DTNBP1: variants seen among roughly 807,000 people sequenced by gnomAD.
The protein encoded by DTNBP1 is dysbindin.
In DTNBP1, 35 loss-of-function variants were observed where a neutral mutation model predicts 42.8. The ratio of observed to expected loss-of-function variants is 0.82; its 90% CI spans 0.63 to 1.09. The LOEUF (loss-of-function observed/expected upper bound fraction) is 1.09, where lower values mean the gene tolerates loss of function less well. DTNBP1 is among the 50% of genes least tolerant of loss of function. The probability of loss-of-function intolerance (pLI) is 0.00; values close to 1 mark genes in which losing one functional copy is unlikely to be tolerated. For synonymous variants in DTNBP1, 171 were observed against 162.2 expected, an observed-to-expected ratio of 1.05 and a Z score of -0.41; for missense variants, 457 against 424.2, an observed-to-expected ratio of 1.08 and a Z score of -0.68.
chr6:15,590,748 A>T (rs1158376755), intron 7 of DTNBP1, among the ~76,000 whole-genome samples: 2 of 152,204 alleles, frequency 1.3e-5, no homozygotes, highest in African/African-American at 2.4e-5. Flanking sequence ...TCTTGTAGAG[A>T]TTGGCCATAT....
chr6:15,553,355 A>C (rs1453738089), intron 7 of DTNBP1, among the ~76,000 whole-genome samples: 1 of 151,714 alleles, frequency 6.6e-6, no homozygotes, highest in Non-Finnish European at 1.5e-5. Flanking sequence ...ACATTTGAAA[A>C]CATAAGCTTC....
At chr6:15,645,296 A>T (rs865887292) in intron 3 of DTNBP1, among the ~76,000 whole-genome samples, 8 of 151,790 alleles carry the variant, frequency 5.3e-5, no homozygotes, top group Middle Eastern at 3.4e-3. Flanking sequence ...ATAATAATAA[A>T]AAAAATCTAC....
At chr6:15,550,468 G>T (rs1368013135) in intron 7 of DTNBP1, among the ~76,000 whole-genome samples, 1 of 152,100 alleles carries the variant, frequency 6.6e-6, no homozygotes, top group Non-Finnish European at 1.5e-5. Flanking sequence ...TTTATCCAAA[G>T]CTCAACATGC....
chr6:15,644,650 T>G (rs1250597006), intron 3 of DTNBP1, among the ~76,000 whole-genome samples: 1 of 151,944 alleles, frequency 6.6e-6, no homozygotes, highest in East Asian at 1.9e-4. Flanking sequence ...CACAAGTATA[T>G]GGAAACTAAA....
At chr6:15,592,254 T>A (rs1776329247) in intron 7 of DTNBP1, among the ~76,000 whole-genome samples, 1 of 152,232 alleles carries the variant, frequency 6.6e-6, no homozygotes, top group South Asian at 2.1e-4. Context: ...ACGTGAAGTA[T>A]AATAAGCATA....
intron 6 of DTNBP1, among the ~76,000 whole-genome samples, chr6:15,609,061 A>G (rs752882196): frequency 3.9e-5 from 6 of 151,946 alleles, no homozygotes; most frequent in Non-Finnish European, 5.9e-5. Context: ...CAAACATGGG[A>G]CTTATGAATT....
intron 4 of DTNBP1, among the ~76,000 whole-genome samples, chr6:15,627,871 T>C (rs3213207): frequency 0.087 from 13,201 of 151,986 alleles, 743 homozygotes; most frequent in Non-Finnish European, 0.12. Context: ...CGGGTAATTA[T>C]TGGCTTTACG....
In DTNBP1 at chr6:15,627,421, TTG is replaced by T. The variant is rs1466746423; in HGVS notation, c.275_276del (p.Thr92LysfsTer34). ...AGCTGCTCTTGCAGCTCCACGAGGC[TTG>T]TCTTTTTCTTCTCCCAGTGCGCAGA... ...MLSAHWEKKK[T>X]SLVELQEQLQ... On this transcript the variant is annotated frameshift_variant, in exon 5 of 10. Coordinates refer to ENST00000344537, the MANE Select transcript of DTNBP1 (RefSeq NM_032122.5). LOFTEE classifies it high-confidence loss of function. 6.2e-7 allele frequency: 1 copy of T among 1,614,046 alleles called. No individual in the cohort carries two copies. Among genetic ancestry groups the T allele is most frequent in the East Asian group, 2.2e-5 (1 of 44,868 alleles).
chr6:15,611,924 AAGAAAGGACAT>A (rs1207806116), intron 6 of DTNBP1, among the ~76,000 whole-genome samples: 8 of 152,350 alleles, frequency 5.3e-5, no homozygotes, highest in African/African-American at 1.9e-4. Flanking sequence ...TTGAAATGAC[AAGAAAGGACAT>A]AGAATGTTAT....
At chr6:15,531,627 T>C (rs1772832147) in intron 8 of DTNBP1, among the ~76,000 whole-genome samples, 2 of 152,220 alleles carry the variant, frequency 1.3e-5, no homozygotes, top group South Asian at 4.1e-4. Flanking sequence ...TTCTTGGATT[T>C]CTTTTTATTT....
intron 7 of DTNBP1, among the ~76,000 whole-genome samples, chr6:15,549,150 G>A (rs962642261): frequency 1.3e-5 from 2 of 152,070 alleles, no homozygotes; most frequent in Admixed American, 1.3e-4. Context: ...TCTCTAATTT[G>A]AGCATTACAA....
chr6:15,522,924 A>C lies in DTNBP1; in HGVS notation c.*51T>G. ...CCTGGCTTTCCAGGTGGAATTCCGC[A>C]TACAGCCAAAACTGGATTCCAGTGT... is the stretch of plus-strand genomic sequence containing the variant. On this transcript the variant is annotated 3_prime_UTR_variant, in exon 10 of 10. Transcript: ENST00000344537. The C allele has an allele frequency of 6.2e-7, 1 of 1,614,158 alleles. No homozygotes were observed. The highest frequency in any genetic ancestry group is 8.5e-7 in the Non-Finnish European group (1 of 1,180,028).
chr6:15,638,838 CTTTT>C (rs34034677), intron 3 of DTNBP1, among the ~76,000 whole-genome samples: 16 of 138,624 alleles, frequency 1.2e-4, no homozygotes, highest in Non-Finnish European at 1.4e-4. Flanking sequence ...TTGGCCAGTA[CTTTT>C]TTTTTTTTTT....
At chr6:15,661,762 CAG>C (rs1315227297) in intron 1 of DTNBP1, among the ~76,000 whole-genome samples, 1 of 152,164 alleles carries the variant, frequency 6.6e-6, no homozygotes, top group Non-Finnish European at 1.5e-5. Flanking sequence ...TTTTCAAAGA[CAG>C]ATCTTTTTCA....
intron 8 of DTNBP1, among the ~76,000 whole-genome samples, chr6:15,529,588 A>C (rs1772667734): frequency 6.6e-6 from 1 of 152,230 alleles, no homozygotes; most frequent in East Asian, 1.9e-4. Context: ...ATCCCTCTGG[A>C]AGCAGGGACA....
intron 4 of DTNBP1, among the ~76,000 whole-genome samples, chr6:15,636,298 G>A (rs1760019838): frequency 6.6e-6 from 1 of 151,844 alleles, no homozygotes; most frequent in Admixed American, 6.6e-5. Context: ...TTACAGGCAT[G>A]AGCCACCACG....
intron 2 of DTNBP1, 78 bp from the exon 3 acceptor site, chr6:15,651,441 T>C (rs1760990735): frequency 6.4e-7 from 1 of 1,554,456 alleles, no homozygotes; most frequent in African/African-American, 1.4e-5. Context: ...TACAAGAATT[T>C]TGACATTGTC....
chr6:15,528,832 A>G (rs1399187676), intron 8 of DTNBP1, among the ~76,000 whole-genome samples: 1 of 152,188 alleles, frequency 6.6e-6, no homozygotes, highest in Non-Finnish European at 1.5e-5. Context: ...TCACCTGGTA[A>G]CTTGGTTATA....
chr6:15,644,650 T>C (rs1250597006), intron 3 of DTNBP1, among the ~76,000 whole-genome samples: 1 of 151,944 alleles, frequency 6.6e-6, no homozygotes, highest in African/African-American at 2.4e-5. Flanking sequence ...CACAAGTATA[T>C]GGAAACTAAA....
Sources: allele counts gnomAD v4.1 joint callset (sites outside exome capture counted in the v4.1 genomes callset), GRCh38; gene constraint gnomAD v4.1.1; transcripts MANE v1.5; gene names NCBI Gene and HGNC (gene_info 2026-07-23, HGNC 2026-07-21).